Variants in NCAM1 observed in about 807,000 individuals in gnomAD.
NCAM1 encodes the protein neural cell adhesion molecule 1.
A neutral mutation model predicts 109.8 loss-of-function variants in NCAM1; 14 were observed. That is an observed-to-expected ratio of 0.13 (90% confidence interval 0.08 to 0.20). The LOEUF (loss-of-function observed/expected upper bound fraction) is 0.20, where lower values mean the gene tolerates loss of function less well. NCAM1 is among the 10% of genes least tolerant of loss of function. The pLI is 1.00. For missense variants in NCAM1, 774 were observed against 1,109.9 expected (o/e 0.70, Z 4.30); for synonymous variants, 418 against 442.9 (o/e 0.94, Z 0.70).
intron 1 of NCAM1, among the ~76,000 whole-genome samples, chr11:113,016,394 A>G (rs11214457): frequency 0.14 from 20,772 of 152,244 alleles, 1,786 homozygotes; most frequent in South Asian, 0.4. Flanking sequence ...AGACATAAAA[A>G]TAGGACACTG....
At chr11:113,104,648 C>T (rs1251268191) in intron 1 of NCAM1, among the ~76,000 whole-genome samples, 4 of 152,080 alleles carry the variant, frequency 2.6e-5, no homozygotes, top group Non-Finnish European at 5.9e-5. Context: ...TAGCAAACCA[C>T]CTCTGGTAAT....
intron 1 of NCAM1, among the ~76,000 whole-genome samples, chr11:113,035,323 A>G (rs1281955534): frequency 6.6e-6 from 1 of 152,206 alleles, no homozygotes; most frequent in African/African-American, 2.4e-5. Context: ...TCTCACCTTG[A>G]GATGAGACAA....
chr11:113,105,494 G>A (rs1940114542), intron 1 of NCAM1, among the ~76,000 whole-genome samples: 1 of 152,140 alleles, frequency 6.6e-6, no homozygotes, highest in South Asian at 2.1e-4. Flanking sequence ...CACAGTAGCT[G>A]AGAAATGGAA....
chr11:113,167,525 GTT>G (rs782039239), intron 1 of NCAM1, among the ~76,000 whole-genome samples: 1,643 of 121,894 alleles, frequency 0.013, 29 homozygotes, highest in African/African-American at 0.041. Flanking sequence ...GCAGAAACGT[GTT>G]TTTTTTTTTT....
chr11:113,150,066 C>G (rs1263319769), intron 1 of NCAM1, among the ~76,000 whole-genome samples: 11 of 151,900 alleles, frequency 7.2e-5, no homozygotes, highest in Non-Finnish European at 2.9e-5. Flanking sequence ...ATTTGTCCAG[C>G]TAGTTTAGAA....
intron 1 of NCAM1, among the ~76,000 whole-genome samples, chr11:113,140,321 C>T (rs1022602268): frequency 6.6e-5 from 10 of 152,072 alleles, no homozygotes; most frequent in Admixed American, 5.9e-4. Flanking sequence ...TCTGTGGAAG[C>T]CATAGTTGAA....
chr11:113,136,087 G>A (rs1404031460), intron 1 of NCAM1, among the ~76,000 whole-genome samples: 1 of 152,200 alleles, frequency 6.6e-6, no homozygotes, highest in East Asian at 1.9e-4. Flanking sequence ...GGAGGCTGAG[G>A]AGACAGGTTC....
rs538975243 is a variant in NCAM1, at chr11:113,021,008, C to T, written c.52+59344C>T. Among the ~76,000 whole-genome samples, 65 of 152,266 alleles carry T rather than the reference C, an allele frequency of 4.3e-4. No homozygotes were observed. In the South Asian group the frequency reaches 5.8e-3, roughly 14 times the overall value. On this transcript the variant is annotated intron_variant, in intron 1 of 19. Coordinates refer to ENST00000316851, the MANE Select transcript of NCAM1 (RefSeq NM_181351.5). Reference sequence around the variant, plus strand: ...CTGATCTCAGGTGATCTGCCCCCATCGGCCTCCCAAAGTGCTGGGATTACA... The same window carrying T: ...CTGATCTCAGGTGATCTGCCCCCATTGGCCTCCCAAAGTGCTGGGATTACA...
rs1265564585 is a variant in NCAM1, at chr11:113,228,875, G to A, written c.1090-2770G>A. On this transcript the variant is annotated intron_variant, in intron 9 of 19. Transcript: ENST00000316851. Reference sequence around the variant, plus strand: ...TAAATGGTGCTGGGAAAACTGGCTAGCCATATGTAGAAAGCTGAAACTGGA... The same window carrying A: ...TAAATGGTGCTGGGAAAACTGGCTAACCATATGTAGAAAGCTGAAACTGGA... Among the ~76,000 whole-genome samples the A allele has an allele frequency of 3.9e-5, 6 of 152,294 alleles. No homozygotes were observed. In the South Asian group the frequency reaches 1.2e-3, roughly 32 times the overall value.
chr11:113,161,135 T>A (rs1942588060), intron 1 of NCAM1, among the ~76,000 whole-genome samples: 1 of 152,066 alleles, frequency 6.6e-6, no homozygotes, highest in South Asian at 2.1e-4. Flanking sequence ...TAGAAAAAAA[T>A]TGAAAATCTC....
chr11:113,017,805 TATATC>T (rs1304083299), intron 1 of NCAM1, among the ~76,000 whole-genome samples: 2 of 152,202 alleles, frequency 1.3e-5, no homozygotes, highest in African/African-American at 2.4e-5. Flanking sequence ...CTACATATGT[TATATC>T]ATATCAGTAT....
At chr11:113,208,084 C>T in intron 7 of NCAM1, 82 bp downstream of exon 7, 1 of 1,442,522 alleles carries the variant, frequency 6.9e-7, no homozygotes, top group Non-Finnish European at 9.4e-7. Flanking sequence ...AAGACCCTGG[C>T]CACTGTCCCT....
Position 113,264,826 on chromosome 11 carries a change from C to T in NCAM1, c.2131+4503C>T, listed in dbSNP as rs117886609. 2.6e-4 allele frequency: 255 copies of T among 985,386 alleles called. 1 individual carries two copies. The East Asian group carries it at 9.4e-3, about 36-fold the overall frequency. The allele number at this position is 985,386 out of a possible 1,614,324, so 61.0% of individuals were successfully genotyped here. A position where few individuals can be genotyped will look rare whatever the true frequency, so the allele number is the denominator to read the frequency against. ...CAAGGGTCCCATTTAGACAGACCCACGGCTTGTAACAGTGCGCTCCTCAGG... is the reference window on the plus strand; with the variant it reads ...CAAGGGTCCCATTTAGACAGACCCATGGCTTGTAACAGTGCGCTCCTCAGG... On this transcript the variant is annotated intron_variant, in intron 17 of 19. Transcript: ENST00000316851.
intron 1 of NCAM1, among the ~76,000 whole-genome samples, chr11:113,072,823 A>AT (rs11425032): frequency 0.77 from 111,577 of 145,454 alleles, 42,561 homozygotes; most frequent in Admixed American, 0.82. Context: ...ATTGTTTTTT[A>AT]TTTTTTTTTT....
intron 1 of NCAM1, among the ~76,000 whole-genome samples, chr11:112,999,095 G>A (rs1281285328): frequency 1.3e-5 from 2 of 152,080 alleles, no homozygotes; most frequent in South Asian, 2.1e-4. Context: ...CCATCATTTG[G>A]TATGAACTAC....
intron 1 of NCAM1, among the ~76,000 whole-genome samples, chr11:113,047,482 T>TTAAGTTG (rs1555081041): frequency 6.6e-6 from 1 of 151,972 alleles, no homozygotes; most frequent in Non-Finnish European, 1.5e-5. Flanking sequence ...GAGGCAAAAA[T>TTAAGTTG]TAAGTTGTAC....
intron 1 of NCAM1, among the ~76,000 whole-genome samples, chr11:113,075,262 G>A (rs568066205): frequency 2.0e-3 from 298 of 151,992 alleles, no homozygotes; most frequent in South Asian, 9.4e-3. Flanking sequence ...AGAGATGGGC[G>A]TCTCACTATG....
chr11:113,201,005 A>G (rs575092518), intron 1 of NCAM1, among the ~76,000 whole-genome samples: 1 of 152,176 alleles, frequency 6.6e-6, no homozygotes, highest in South Asian at 2.1e-4. Context: ...CAGCGTCAGC[A>G]TCTTCCCCCT....
intron 1 of NCAM1, among the ~76,000 whole-genome samples, chr11:113,044,947 G>C (rs1555080543): frequency 6.6e-6 from 1 of 151,844 alleles, no homozygotes; most frequent in Non-Finnish European, 1.5e-5. Flanking sequence ...GTAGAGACGG[G>C]GTTTCACCGT....
Sources: gnomAD v4.1 joint callset for allele counts (sites outside exome capture counted in the v4.1 genomes callset) on GRCh38, gnomAD v4.1.1 for gene constraint, MANE v1.5 for transcripts, NCBI Gene and HGNC (gene_info 2026-07-23, HGNC 2026-07-21) for gene names.